Variants in RYR2 observed in about 807,000 individuals in gnomAD.
The protein encoded by RYR2 is cardiac muscle ryanodine receptor-calcium release channel.
In RYR2, 227 loss-of-function variants were observed where a neutral mutation model predicts 601.1. The observed-to-expected ratio is 0.38, with a 90% CI of 0.34 to 0.42. RYR2 has a LOEUF of 0.42. RYR2 is among the 10% of genes least tolerant of loss of function. The probability of loss-of-function intolerance (pLI) is 1.00; values close to 1 mark genes in which losing one functional copy is unlikely to be tolerated. For synonymous variants in RYR2, 2,223 were observed against 2,175.1 expected (o/e 1.02, Z -0.61); for missense variants, 4,646 against 6,156.5 (o/e 0.75, Z 8.21).
At chr1:237,808,870 A>C (rs770913104) in intron 99 of RYR2, 31 bp from the exon 100 acceptor site, 1 of 1,611,642 alleles carries the variant, frequency 6.2e-7, no homozygotes, top group Admixed American at 1.7e-5. Context: ...CTACATTTCT[A>C]ATACCTGGTC....
At chr1:237,289,330 C>T (rs557580102) in intron 2 of RYR2, among the ~76,000 whole-genome samples, 76 of 152,222 alleles carry the variant, frequency 5.0e-4, no homozygotes, top group African/African-American at 1.6e-3. Context: ...CCATGATGAT[C>T]CTCTACTAGT....
chr1:237,146,302 A>G (rs1247302427), intron 1 of RYR2, among the ~76,000 whole-genome samples: 1 of 152,198 alleles, frequency 6.6e-6, no homozygotes, highest in Non-Finnish European at 1.5e-5. Context: ...TTTGGCTTCT[A>G]TTGGCTCTAA....
Position 237,541,496 on chromosome 1 carries a change from C to T in RYR2, c.2907-6935C>T, listed in dbSNP as rs144573903. ...TATCCCCCTTTCCTACTTTATTTTT[C>T]TTCATAGCATTTAAATCTTCTAACA... On this transcript the variant is annotated intron_variant, in intron 25 of 104. Coordinates refer to ENST00000366574, the MANE Select transcript of RYR2 (RefSeq NM_001035.3). 2.0e-5 allele frequency among the ~76,000 whole-genome samples: 3 copies of T among 152,158 alleles called. No homozygotes were observed. The East Asian group carries it at 5.8e-4, about 29-fold the overall frequency.
intron 16 of RYR2, among the ~76,000 whole-genome samples, chr1:237,462,042 G>T (rs1659542051): frequency 6.6e-6 from 1 of 152,098 alleles, no homozygotes; most frequent in African/African-American, 2.4e-5. Context: ...ATATACTTCA[G>T]TTTGTCTGGA....
chr1:237,494,115 A>G (rs1663758264), intron 19 of RYR2, among the ~76,000 whole-genome samples: 1 of 152,178 alleles, frequency 6.6e-6, no homozygotes, highest in Non-Finnish European at 1.5e-5. Context: ...CGAATAGGAT[A>G]GCTGTATATA....
chr1:237,128,061 C>G (rs369607758), intron 1 of RYR2, among the ~76,000 whole-genome samples: 2 of 152,042 alleles, frequency 1.3e-5, no homozygotes, highest in African/African-American at 2.4e-5. Flanking sequence ...TGTAGCGAGC[C>G]GAGATCACGC....
At chr1:237,473,811 T>C (rs1284500150) in intron 17 of RYR2, among the ~76,000 whole-genome samples, 1 of 152,058 alleles carries the variant, frequency 6.6e-6, no homozygotes, top group Admixed American at 6.6e-5. Flanking sequence ...AGGATTGAGG[T>C]AGGACTCAAC....
At chr1:237,159,421 C>T (rs2148853371) in intron 1 of RYR2, among the ~76,000 whole-genome samples, 1 of 152,270 alleles carries the variant, frequency 6.6e-6, no homozygotes, top group South Asian at 2.1e-4. Context: ...ATCAAATAGA[C>T]AGGAGAGATG....
rs576425500 is a variant in RYR2 at position 237,135,465 on chromosome 1, GT to G, written c.48+92898del. Among the ~76,000 whole-genome samples, 367 of 151,452 alleles carry G rather than the reference GT, an allele frequency of 2.4e-3. 1 individual carries two copies. Among genetic ancestry groups the G allele is most frequent in the Non-Finnish European group, 4.1e-3 (275 of 67,888 alleles). ...GCTCACTGCAAGCTCCGCCTCCCAG[GT>G]TCACGCCATTCTCCTGCCTCAGCCT... On this transcript the variant is annotated intron_variant, in intron 1 of 104. Transcript: ENST00000366574.
At chr1:237,142,416 T>G (rs1383287944) in intron 1 of RYR2, among the ~76,000 whole-genome samples, 1 of 152,212 alleles carries the variant, frequency 6.6e-6, no homozygotes, top group African/African-American at 2.4e-5. Flanking sequence ...GAAAATGGCC[T>G]CATGCTCCAT....
chr1:237,422,016 T>C (rs1301212033), intron 11 of RYR2, among the ~76,000 whole-genome samples: 4 of 152,176 alleles, frequency 2.6e-5, no homozygotes, highest in African/African-American at 9.7e-5. Context: ...CGTGCTTTGA[T>C]CTTAAGCTTG....
intron 36 of RYR2, among the ~76,000 whole-genome samples, chr1:237,612,873 A>T (rs1678043764): frequency 1.3e-5 from 2 of 152,244 alleles, no homozygotes; most frequent in African/African-American, 4.8e-5. Context: ...GTAAACTCTC[A>T]CTAAAGATCA....
intron 29 of RYR2, among the ~76,000 whole-genome samples, chr1:237,582,033 G>A (rs960469554): frequency 6.6e-6 from 1 of 152,156 alleles, no homozygotes; most frequent in East Asian, 1.9e-4. Context: ...GAAATCAAAG[G>A]CAAGTGTTTT....
intron 1 of RYR2, among the ~76,000 whole-genome samples, chr1:237,255,909 T>A (rs1248727617): frequency 1.3e-5 from 2 of 151,042 alleles, no homozygotes; most frequent in Non-Finnish European, 2.9e-5. Context: ...ACAGCTCTAC[T>A]ATTCTATGGC....
At chr1:237,687,842 C>T (rs1269465881) in intron 63 of RYR2, among the ~76,000 whole-genome samples, 1 of 152,096 alleles carries the variant, frequency 6.6e-6, no homozygotes. Flanking sequence ...GTTTGGTTAC[C>T]TCTGACAGAT....
intron 2 of RYR2, among the ~76,000 whole-genome samples, chr1:237,311,968 C>T (rs1694614009): frequency 6.6e-6 from 1 of 152,150 alleles, no homozygotes; most frequent in African/African-American, 2.4e-5. Flanking sequence ...GACAACATTG[C>T]TGAATATGTG....
chr1:237,168,287 A>T (rs780142594), intron 1 of RYR2, among the ~76,000 whole-genome samples: 1 of 151,726 alleles, frequency 6.6e-6, no homozygotes, highest in East Asian at 1.9e-4. Context: ...AAGAAAAGCA[A>T]GTTTGAACTT....
intron 2 of RYR2, among the ~76,000 whole-genome samples, chr1:237,293,868 CA>C (rs1692486761): frequency 6.6e-6 from 1 of 151,922 alleles, no homozygotes; most frequent in Non-Finnish European, 1.5e-5. Flanking sequence ...TGGTTGATTC[CA>C]TCATTGGCCA....
chr1:237,540,065 A>G (rs1669087294), intron 25 of RYR2, among the ~76,000 whole-genome samples: 1 of 152,044 alleles, frequency 6.6e-6, no homozygotes, highest in Non-Finnish European at 1.5e-5. Flanking sequence ...AAACAAGCAA[A>G]CAGTGAAGAG....
Sources: allele counts gnomAD v4.1 joint callset (sites outside exome capture counted in the v4.1 genomes callset), GRCh38; gene constraint gnomAD v4.1.1; transcripts MANE v1.5; gene names NCBI Gene and HGNC (gene_info 2026-07-23, HGNC 2026-07-21).